Variants in CNR2 observed in about 807,000 individuals in gnomAD.
The protein encoded by CNR2 is cannabinoid receptor 2 (macrophage).
For synonymous variants in CNR2, 172 were observed against 182.2 expected (o/e 0.94, Z 0.45); for missense variants, 379 against 439.9 (o/e 0.86, Z 1.24).
At chr1:23,876,352 A>ATGT (rs1639874228) in intron 1 of CNR2, among the ~76,000 whole-genome samples, 1 of 150,336 alleles carries the variant, frequency 6.7e-6, no homozygotes, top group African/African-American at 2.5e-5. Flanking sequence ...GACTACAGGC[A>ATGT]CCCACCACAC....
At chr1:23,907,933 C>T (rs1161827797) in intron 1 of CNR2, 1 of 150,252 alleles carries the variant, frequency 6.7e-6, no homozygotes, top group African/African-American at 2.5e-5. Flanking sequence ...TGATTAATTG[C>T]CTGGTTGTGA....
chr1:23,882,842 C>T (rs1003006295), intron 1 of CNR2, among the ~76,000 whole-genome samples: 1 of 151,808 alleles, frequency 6.6e-6, no homozygotes, highest in South Asian at 2.1e-4. Flanking sequence ...TAATAATAAA[C>T]GCTCATACTA....
At chr1:23,880,338 C>T (rs112423937) in intron 1 of CNR2, among the ~76,000 whole-genome samples, 12 of 152,018 alleles carry the variant, frequency 7.9e-5, no homozygotes, top group Non-Finnish European at 1.2e-4. Context: ...CTACCATGCC[C>T]GGCTAAGTTT....
chr1:23,904,901 G>A (rs958068836), intron 1 of CNR2, among the ~76,000 whole-genome samples: 1 of 152,182 alleles, frequency 6.6e-6, no homozygotes, highest in African/African-American at 2.4e-5. Context: ...TTTGCCTCCA[G>A]GCCACTCTAC....
At chr1:23,905,510 A>G (rs139753188) in intron 1 of CNR2, among the ~76,000 whole-genome samples, 2 of 150,334 alleles carry the variant, frequency 1.3e-5, no homozygotes, top group African/African-American at 4.9e-5. Context: ...ATATATATTT[A>G]TATATTAATT....
chr1:23,906,529 C>G (rs1570723635), intron 1 of CNR2, among the ~76,000 whole-genome samples: 1 of 132,180 alleles, frequency 7.6e-6, no homozygotes, highest in Admixed American at 8.9e-5. Context: ...GTTTTCCTAT[C>G]TTTCTTTTTT....
At chr1:23,903,247 C>G (rs1640433540) in intron 1 of CNR2, among the ~76,000 whole-genome samples, 1 of 152,132 alleles carries the variant, frequency 6.6e-6, no homozygotes, top group Non-Finnish European at 1.5e-5. Context: ...CTGACACATG[C>G]CAGCATCCTC....
intron 1 of CNR2, among the ~76,000 whole-genome samples, chr1:23,881,857 C>G (rs1403750563): frequency 6.6e-5 from 10 of 151,430 alleles, no homozygotes; most frequent in Admixed American, 4.6e-4. Flanking sequence ...TGCCATTGCA[C>G]TCCAGCCTGG....
chr1:23,902,253 TCCATCTCACAGAAG>T (rs1640413227), intron 1 of CNR2: 2 of 1,368,586 alleles, frequency 1.5e-6, no homozygotes, highest in African/African-American at 2.9e-5. Flanking sequence ...CGTCTGCCGG[TCCATCTCACAGAAG>T]CCTTGGGACC....
At chr1:23,883,180 T>C (rs1640021294) in intron 1 of CNR2, among the ~76,000 whole-genome samples, 1 of 152,164 alleles carries the variant, frequency 6.6e-6, no homozygotes, top group African/African-American at 2.4e-5. Flanking sequence ...TTCACTCCCA[T>C]CAGATCGGTA....
At chr1:23,881,296 A>G (rs1377708056) in intron 1 of CNR2, among the ~76,000 whole-genome samples, 1 of 151,286 alleles carries the variant, frequency 6.6e-6, no homozygotes, top group African/African-American at 2.4e-5. Flanking sequence ...TGTAATAATA[A>G]TAATTTTAAA....
intron 1 of CNR2, among the ~76,000 whole-genome samples, chr1:23,904,941 G>T (rs1640462478): frequency 6.6e-6 from 1 of 152,076 alleles, no homozygotes; most frequent in African/African-American, 2.4e-5. Context: ...ATCCCAAAGG[G>T]TAGAGCCCCT....
intron 1 of CNR2, among the ~76,000 whole-genome samples, chr1:23,892,869 A>T (rs1214964858): frequency 6.6e-6 from 1 of 152,144 alleles, no homozygotes; most frequent in African/African-American, 2.4e-5. Context: ...TACAAAAATT[A>T]GCCAGGAGTA....
At chr1:23,881,131 C>T (rs894469504) in intron 1 of CNR2, among the ~76,000 whole-genome samples, 9 of 151,478 alleles carry the variant, frequency 5.9e-5, no homozygotes, top group Non-Finnish European at 1.2e-4. Context: ...CAAAAATCAG[C>T]TGGGCATGGT....
At position 23,874,772 on chromosome 1, in the gene CNR2, A is replaced by G. The variant is rs2502993; in HGVS notation, c.846T>C (p.Ala282=). The G allele has an allele frequency of 0.59, 957,998 of 1,613,860 alleles. 287,075 individuals carry two copies. Among genetic ancestry groups the G allele is most frequent in the African/African-American group, 0.76 (57,029 of 74,998 alleles). The change falls in exon 2 of 2, where the codon GCT becomes GCC. Residue 282 remains alanine, a synonymous_variant. Coordinates refer to ENST00000374472, the MANE Select transcript of CNR2 (RefSeq NM_001841.3). ...TGATGAGGCACAGCATGGAGCAGAA[A>G]GCAAAGGCCTTCTTGACCTGGTCAC... ...TLSDQVKKAF[A]FCSMLCLINS... is the part of the protein sequence containing the mutation.
rs2502999 is a variant in CNR2 at position 23,871,831 on chromosome 1, A to G, written c.*2704T>C. ...GGTGGGCCCAAATCCAGTGACTGAT[A>G]TTCTTTAAAAAAGACACCAGGCCGG... is the stretch of plus-strand genomic sequence containing the variant. On this transcript the variant is annotated 3_prime_UTR_variant, in exon 2 of 2. Transcript: ENST00000374472. The G allele has an allele frequency of 0.63, 95,659 of 151,220 alleles. 30,625 individuals are homozygous for G. The highest frequency in any genetic ancestry group is 0.75 in the African/African-American group (31,074 of 41,168). The allele number at this position is 151,220 out of a possible 1,614,324, so 9.4% of individuals were successfully genotyped here. A position where few individuals can be genotyped will look rare whatever the true frequency, so the allele number is the denominator to read the frequency against.
intron 1 of CNR2, among the ~76,000 whole-genome samples, chr1:23,897,295 A>G (rs2148467110): frequency 6.6e-6 from 1 of 152,242 alleles, no homozygotes; most frequent in African/African-American, 2.4e-5. Flanking sequence ...AGAGAAAGGC[A>G]GATCACGAAA....
chr1:23,907,569 C>A (rs984167977), intron 1 of CNR2, among the ~76,000 whole-genome samples: 1 of 151,850 alleles, frequency 6.6e-6, no homozygotes, highest in Non-Finnish European at 1.5e-5. Context: ...CGGCTCACTG[C>A]AACCTCTGCC....
chr1:23,883,025 G>T (rs1640019514), intron 1 of CNR2, among the ~76,000 whole-genome samples: 1 of 152,146 alleles, frequency 6.6e-6, no homozygotes, highest in Admixed American at 6.6e-5. Flanking sequence ...TGTTTGAAAA[G>T]ATTATAAAAT....
Sources: allele counts gnomAD v4.1 joint callset (sites outside exome capture counted in the v4.1 genomes callset), GRCh38; gene constraint gnomAD v4.1.1; transcripts MANE v1.5; gene names NCBI Gene and HGNC (gene_info 2026-07-23, HGNC 2026-07-21).